MAST1: variants seen among roughly 807,000 people sequenced by gnomAD.
MAST1 encodes the protein microtubule-associated serine/threonine-protein kinase 1.
In MAST1, 40 loss-of-function variants were observed where a neutral mutation model predicts 124.6. The observed-to-expected ratio is 0.32, with a 90% CI of 0.25 to 0.42. MAST1 has a LOEUF of 0.42. Among genes scored for constraint, MAST1 ranks in the 10% least tolerant of loss-of-function variants. The probability of loss-of-function intolerance (pLI) is 1.00; values close to 1 mark genes in which losing one functional copy is unlikely to be tolerated. For synonymous variants in MAST1, 938 were observed against 939.4 expected, an observed-to-expected ratio of 1.00 and a Z score of 0.03; for missense variants, 1,558 against 2,181.9, an observed-to-expected ratio of 0.71 and a Z score of 5.70.
rs1568413083 is a variant in MAST1, at chr19:12,864,816, C to G, written c.1374C>G (p.Asp458Glu). 6.2e-7 allele frequency: 1 copy of G among 1,613,854 alleles called. No homozygotes were observed. The highest frequency in any genetic ancestry group is 1.7e-5 in the Admixed American group (1 of 60,010). Residue 458 changes from aspartate to glutamate, a missense_variant, in exon 13 of 26, where the codon GAC becomes GAG. Physicochemically the swap from Asp to Glu is conservative, Grantham distance 45 (BLOSUM62 2). Coordinates refer to ENST00000251472, the MANE Select transcript of MAST1 (RefSeq NM_014975.3). ...CCATTTCCTGGCCTGCAGGCGGCGA[C>G]TGTGCCACCCTGCTGAAGAATATTG... ...CMVMEYVEGG[D>E]CATLLKNIGA...
intron 4 of MAST1, among the ~76,000 whole-genome samples, chr19:12,844,030 G>C (rs944891866): frequency 1.3e-5 from 2 of 152,092 alleles, no homozygotes; most frequent in Non-Finnish European, 2.9e-5. Context: ...AAGACAGTTT[G>C]GGTTTCCCCA....
chr19:12,861,209 G>A (rs779361932), intron 12 of MAST1, among the ~76,000 whole-genome samples: 8 of 152,052 alleles, frequency 5.3e-5, no homozygotes, highest in Non-Finnish European at 1.2e-4. Context: ...CTAAAGGCGC[G>A]CCTCCACCAT....
rs1969972619 is a variant in MAST1, at chr19:12,852,357, G to A, written c.1039G>A (p.Gly347Ser). The change falls in exon 10 of 26, where the codon GGT becomes AGT. Residue 347 changes from glycine (G) to serine (S), a missense_variant. This residue lies in a region of MAST1 where 136 missense variants were observed against 160.9 expected (regional missense o/e 0.85). Transcript: ENST00000251472. ...DVVHLEEQDS[G>S]GSNTPEQDDL... is the part of the protein sequence containing the mutation. ...GGTGCATCTGGAGGAACAGGACAGT[G>A]GTGGTTCCAACACCCCTGAGCAAGA... The A allele has an allele frequency of 1.9e-6, 3 of 1,614,000 alleles. No homozygotes were observed. Among genetic ancestry groups the A allele is most frequent in the South Asian group, 2.2e-5 (2 of 91,082 alleles).
rs1309609670 is a variant in MAST1 at position 12,870,513 on chromosome 19, T to C, written c.3004-311T>C. Among the ~76,000 whole-genome samples, 14 of 121,858 alleles carry C rather than the reference T, an allele frequency of 1.1e-4. No homozygotes were observed. In the Admixed American group the frequency reaches 1.2e-3, roughly 10 times the overall value. 79.9% of individuals were successfully genotyped at this position (121,858 alleles called of 152,430 possible). The stretch of plus-strand genomic sequence containing the variant: ...GTCTCAAAAAAAAAAAAAAAAAAAA[T>C]TAGCCGGAGGTAGTGGCGCATGCCT... On this transcript the variant is annotated intron_variant, in intron 22 of 25. Coordinates refer to ENST00000251472, the MANE Select transcript of MAST1 (RefSeq NM_014975.3).
intron 10 of MAST1, among the ~76,000 whole-genome samples, chr19:12,857,567 A>G (rs1970031128): frequency 6.6e-6 from 1 of 151,876 alleles, no homozygotes; most frequent in African/African-American, 2.4e-5. Flanking sequence ...GCCCGCCACC[A>G]TGCCTGGCTA....
chr19:12,845,005 T>C (rs1969874781), intron 4 of MAST1, among the ~76,000 whole-genome samples: 1 of 152,104 alleles, frequency 6.6e-6, no homozygotes, highest in African/African-American at 2.4e-5. Flanking sequence ...ATGTGATGTT[T>C]AAAAATATCA....
chr19:12,840,648 C>G, intron 2 of MAST1, 114 bp downstream of exon 2: 2 of 775,218 alleles, frequency 2.6e-6, no homozygotes, highest in South Asian at 3.0e-5. Flanking sequence ...GGAGGCGAAC[C>G]AGTTTGGATA....
chr19:12,842,049 G>A (rs1969836004), intron 3 of MAST1, among the ~76,000 whole-genome samples: 2 of 152,218 alleles, frequency 1.3e-5, no homozygotes, highest in South Asian at 2.1e-4. Flanking sequence ...GTGTGCTGGT[G>A]TGTGTGTGTG....
At chr19:12,869,042 C>G (rs1247856024) in intron 21 of MAST1, 24 bp from the exon 22 acceptor site, 4 of 1,609,044 alleles carry the variant, frequency 2.5e-6, no homozygotes, top group Middle Eastern at 1.7e-4. Flanking sequence ...GTTCTGATTT[C>G]TGACCATGGT....
intron 12 of MAST1, among the ~76,000 whole-genome samples, chr19:12,861,680 C>CTCTTTCTCTCTT (rs1970084557): frequency 7.0e-6 from 1 of 143,448 alleles, no homozygotes; most frequent in African/African-American, 2.7e-5. Flanking sequence ...TTCTTTTTCT[C>CTCTTTCTCTCTT]TCTTTCTTTC....
At position 12,857,560 on chromosome 19, in the gene MAST1, C is replaced by T. The variant is rs192141061; in HGVS notation, c.1078-802C>T. On this transcript the variant is annotated intron_variant, in intron 10 of 25. Transcript: ENST00000251472. ...CCAAGTAGCTGGGACTACATGTGCCCGCCACCATGCCTGGCTAATTGTTTC... is the reference window on the plus strand; with the variant it reads ...CCAAGTAGCTGGGACTACATGTGCCTGCCACCATGCCTGGCTAATTGTTTC... Among the ~76,000 whole-genome samples the T allele has an allele frequency of 4.1e-3, 630 of 152,008 alleles. 3 individuals carry two copies. Among genetic ancestry groups the T allele is most frequent in the Non-Finnish European group, 5.1e-3 (347 of 67,986 alleles).
chr19:12,845,414 A>AAAAAAAAT (rs1157109210), intron 4 of MAST1, among the ~76,000 whole-genome samples: 1 of 142,874 alleles, frequency 7.0e-6, no homozygotes, highest in Non-Finnish European at 1.5e-5. Context: ...GTTTCTACAA[A>AAAAAAAAT]AAAAAAAAAA....
intron 1 of MAST1, among the ~76,000 whole-genome samples, chr19:12,839,152 C>T (rs1969796968): frequency 8.8e-5 from 2 of 22,856 alleles, no homozygotes; most frequent in African/African-American, 2.6e-4. Flanking sequence ...TATCATAACA[C>T]AACCCCCCCC....
chr19:12,870,744 A>T (rs1970223122), intron 22 of MAST1, 80 bp from the exon 23 acceptor site: 1 of 1,391,660 alleles, frequency 7.2e-7, no homozygotes, highest in Non-Finnish European at 9.8e-7. Context: ...TGCAGAGCTA[A>T]GTGTCCTGCA....
At chr19:12,861,650 G>A (rs576650845) in intron 12 of MAST1, among the ~76,000 whole-genome samples, 1 of 148,856 alleles carries the variant, frequency 6.7e-6, no homozygotes, top group African/African-American at 2.6e-5. Flanking sequence ...GGTCACTGGA[G>A]CATTGTTGTT....
Position 12,869,082 on chromosome 19 carries a change from T to C in MAST1, c.2790T>C (p.Ser930=), listed in dbSNP as rs1970200404. The change falls in exon 22 of 26, where the codon AGT becomes AGC. Residue 930 remains serine (S), a synonymous_variant. Transcript: ENST00000251472. ...VMIPAVDPHG[S]SPLASPMSPR... Reference sequence around the variant, plus strand: ...TGTCTGTAGTGGACCCACATGGAAGTTCACCCCTTGCTAGTCCCATGTCTC... The same window carrying C: ...TGTCTGTAGTGGACCCACATGGAAGCTCACCCCTTGCTAGTCCCATGTCTC... 7 of 1,614,036 alleles carry C rather than the reference T, an allele frequency of 4.3e-6. No individual in the cohort carries two copies. In the South Asian group the frequency reaches 7.7e-5, roughly 18 times the overall value.
At position 12,840,454 on chromosome 19, in the gene MAST1, C is replaced by CGGGG; in HGVS notation, c.92_93insGGGG (p.Ser32GlyfsTer3). On this transcript the variant is annotated frameshift_variant, in exon 2 of 26. Coordinates refer to ENST00000251472, the MANE Select transcript of MAST1 (RefSeq NM_014975.3). LOFTEE classifies it high-confidence loss of function. ...CCTTACCTTCCCCGCAGCTGCCGCA[C>CGGGG]CAGTAATCGGAAAAGCCTCATCCTG... 1 of 1,612,868 alleles carries CGGGG rather than the reference C, an allele frequency of 6.2e-7. No homozygotes were observed. The highest frequency in any genetic ancestry group is 8.5e-7 in the Non-Finnish European group (1 of 1,179,084).
chr19:12,860,061 TG>T (rs1970061333), intron 12 of MAST1, among the ~76,000 whole-genome samples: 1 of 152,010 alleles, frequency 6.6e-6, no homozygotes, highest in Admixed American at 6.6e-5. Context: ...AATTTGTCTT[TG>T]TGGTTGTCCA....
chr19:12,847,790 TC>T lies in MAST1; in HGVS notation c.565-56del. The T allele has an allele frequency of 1.9e-6, 3 of 1,582,822 alleles. No individual in the cohort carries two copies. The highest frequency in any genetic ancestry group is 1.9e-4 in the Middle Eastern group (1 of 5,346). On this transcript the variant is annotated intron_variant, in intron 6 of 25. Coordinates refer to ENST00000251472, the MANE Select transcript of MAST1 (RefSeq NM_014975.3). The surrounding 1 kb of genome is among the most constrained non-coding windows in gnomAD (Gnocchi z 5.5). ...GGCGGCCTCGGTGCGCAGCGCAGGC[TC>T]CTGGCGGCCGCAGCCTTCGGGCACA...
Sources: gnomAD v4.1 joint callset for allele counts (sites outside exome capture counted in the v4.1 genomes callset) on GRCh38, gnomAD v4.1.1 for gene constraint, gnomAD v4.1.1 regional missense constraint, Gnocchi (gnomAD v3.1) non-coding constraint, MANE v1.5 for transcripts, NCBI Gene and HGNC (gene_info 2026-07-23, HGNC 2026-07-21) for gene names.